ATRX: variants seen among roughly 807,000 people sequenced by gnomAD.
The protein encoded by ATRX is chromatin remodeler ATRX.
In ATRX, 12 loss-of-function variants were observed where a neutral mutation model predicts 172.6. The observed-to-expected ratio is 0.07, with a 90% CI of 0.04 to 0.11. ATRX has a LOEUF of 0.11. ATRX is among the 10% of genes least tolerant of loss of function. ATRX has a pLI of 1.00. For synonymous variants in ATRX, 674 were observed against 594.7 expected (o/e 1.13, Z -1.94); for missense variants, 1,368 against 1,767.4 (o/e 0.77, Z 4.05).
intron 31 of ATRX, among the ~76,000 whole-genome samples, chrX:77,522,820 T>C (rs1452942844): frequency 1.8e-5 from 2 of 112,031 alleles, no homozygotes; most frequent in Non-Finnish European, 3.8e-5. Context: ...ATGGCATTAA[T>C]GTCTAATAAT....
intron 30 of ATRX, among the ~76,000 whole-genome samples, chrX:77,531,207 A>G (rs2063564173): frequency 8.9e-6 from 1 of 112,297 alleles, no homozygotes; most frequent in Non-Finnish European, 1.9e-5. Flanking sequence ...CACAGGTACA[A>G]AGAGGAGCTG....
At chrX:77,568,663 AAAC>A (rs1196622015) in intron 28 of ATRX, among the ~76,000 whole-genome samples, 1 of 111,797 alleles carries the variant, frequency 8.9e-6, no homozygotes, top group Non-Finnish European at 1.9e-5. Context: ...GACAACACGA[AAAC>A]AACTGAATAT....
intron 2 of ATRX, among the ~76,000 whole-genome samples, chrX:77,702,065 C>CA (rs781955375): frequency 1.7e-4 from 18 of 107,339 alleles, no homozygotes; most frequent in Non-Finnish European, 2.9e-4. Flanking sequence ...GACTCTGTCT[C>CA]AAAAAAAAAT....
chrX:77,661,655 C>A (rs2069915592), intron 12 of ATRX, among the ~76,000 whole-genome samples: 1 of 110,623 alleles, frequency 9.0e-6, no homozygotes, highest in African/African-American at 3.3e-5. Context: ...ACAGCAACAA[C>A]AAAAAAATTC....
intron 2 of ATRX, among the ~76,000 whole-genome samples, chrX:77,712,058 G>T (rs2073139279): frequency 9.0e-6 from 1 of 111,471 alleles, no homozygotes; most frequent in Non-Finnish European, 1.9e-5. Flanking sequence ...TTTCTAGATG[G>T]GATCTCTCTA....
intron 30 of ATRX, among the ~76,000 whole-genome samples, chrX:77,532,163 T>G (rs1179460327): frequency 9.0e-6 from 1 of 111,292 alleles, no homozygotes; most frequent in Non-Finnish European, 1.9e-5. Context: ...AAACATTCCA[T>G]GCTCATGGAT....
At chrX:77,516,696 TA>T (rs782058360) in intron 34 of ATRX, among the ~76,000 whole-genome samples, 7 of 111,037 alleles carry the variant, frequency 6.3e-5, no homozygotes, top group African/African-American at 2.3e-4. Flanking sequence ...AGAAAATCAA[TA>T]AAAAAAACCA....
intron 19 of ATRX, among the ~76,000 whole-genome samples, chrX:77,632,606 T>C (rs1417078012): frequency 1.8e-5 from 2 of 112,287 alleles, no homozygotes; most frequent in African/African-American, 6.5e-5. Flanking sequence ...TTAAATATGA[T>C]ATGACAAGAT....
At position 77,698,607 on chromosome X, in the gene ATRX, A is replaced by G; in HGVS notation, c.156T>C (p.Ser52=). 1 of 1,204,666 alleles carries G rather than the reference A, an allele frequency of 8.3e-7. No homozygotes were observed. Among genetic ancestry groups the G allele is most frequent in the Non-Finnish European group, 1.1e-6 (1 of 889,178 alleles). ...TGCTGTTTTCCATCATATCAGAGTT[A>G]CTTCCAGAACCACTGATTTTATCTA... ...QNTDKISGSG[S]NSDMMENSKE... is the part of the protein sequence containing the mutation. Residue 52 remains serine (S), a synonymous_variant, in exon 3 of 35, where the codon AGT becomes AGC. Coordinates refer to ENST00000373344, the MANE Select transcript of ATRX (RefSeq NM_000489.6).
At chrX:77,554,781 TCAGCA>T (rs782495799) in intron 30 of ATRX, among the ~76,000 whole-genome samples, 6 of 112,111 alleles carry the variant, frequency 5.4e-5, no homozygotes, top group Non-Finnish European at 1.1e-4. Flanking sequence ...ACCAGTCACA[TCAGCA>T]CTTCATTCTT....
chrX:77,778,783 G>T (rs2076456908), intron 1 of ATRX, among the ~76,000 whole-genome samples: 1 of 109,889 alleles, frequency 9.1e-6, no homozygotes, highest in Non-Finnish European at 1.9e-5. Context: ...TTTAAAATTC[G>T]ATGTTGACCT....
chrX:77,558,890 T>G, intron 28 of ATRX, 44 bp from the exon 29 acceptor site: 1 of 1,026,503 alleles, frequency 9.7e-7, no homozygotes, highest in Non-Finnish European at 1.4e-6. Flanking sequence ...AATTAGTACT[T>G]TACAAATATT....
intron 1 of ATRX, among the ~76,000 whole-genome samples, chrX:77,761,044 T>C (rs1272037869): frequency 1.8e-5 from 2 of 111,838 alleles, no homozygotes. Context: ...TATATGATTA[T>C]TGTGTGTATT....
At chrX:77,732,550 C>G (rs1197896669) in intron 1 of ATRX, among the ~76,000 whole-genome samples, 1 of 111,718 alleles carries the variant, frequency 9.0e-6, no homozygotes, top group Non-Finnish European at 1.9e-5. Context: ...AAAATACTAG[C>G]AAATCAGACA....
chrX:77,633,479 A>G (rs1204943128), intron 18 of ATRX, 87 bp downstream of exon 18: 75 of 1,102,776 alleles, frequency 6.8e-5, no homozygotes, highest in Non-Finnish European at 8.9e-5. Flanking sequence ...GTTAAAAAAC[A>G]TTAAAAATTA....
rs782415152 is a variant in ATRX, at chrX:77,765,670, AT to A, written c.20+20311del. Among the ~76,000 whole-genome samples, 11 of 105,762 alleles carry A rather than the reference AT, an allele frequency of 1.0e-4. No individual in the cohort carries two copies. In the South Asian group the frequency reaches 2.9e-3, roughly 28 times the overall value. 91.8% of individuals were successfully genotyped at this position (105,762 alleles called of 115,157 possible). The stretch of plus-strand genomic sequence containing the variant: ...AACCTCAGGAGAGCTCAATTTTCTC[AT>A]TTTTTTTTAATTTTTTTTATTTTTA... On this transcript the variant is annotated intron_variant, in intron 1 of 34. Transcript: ENST00000373344.
At chrX:77,548,101 G>A in intron 30 of ATRX, among the ~76,000 whole-genome samples, 1 of 111,714 alleles carries the variant, frequency 9.0e-6, no homozygotes, top group Non-Finnish European at 1.9e-5. Context: ...TCAGAAAAAT[G>A]AGGCTTAGAA....
intron 26 of ATRX, among the ~76,000 whole-genome samples, chrX:77,592,976 C>A (rs923956330): frequency 1.8e-5 from 2 of 109,988 alleles, no homozygotes; most frequent in African/African-American, 3.3e-5. Flanking sequence ...GTAATCCCAG[C>A]ACTTTGGGAG....
At chrX:77,559,789 G>A (rs1209099367) in intron 28 of ATRX, among the ~76,000 whole-genome samples, 1 of 110,655 alleles carries the variant, frequency 9.0e-6, no homozygotes, top group Non-Finnish European at 1.9e-5. Context: ...GATAATTTAG[G>A]AATGAATTGG....
Sources: allele counts gnomAD v4.1 joint callset (sites outside exome capture counted in the v4.1 genomes callset), GRCh38; gene constraint gnomAD v4.1.1; transcripts MANE v1.5; gene names NCBI Gene and HGNC (gene_info 2026-07-23, HGNC 2026-07-21).